The following MARCHF3 variants were observed in gnomAD, a reference collection of about 807,000 sequenced individuals.
The protein encoded by MARCHF3 is membrane associated ring-CH-type finger 3.
MARCHF3 carries 13 observed loss-of-function variants against 24.2 expected under a neutral mutation model. The ratio of observed to expected loss-of-function variants is 0.54; its 90% CI spans 0.35 to 0.85. MARCHF3 has a LOEUF of 0.85. Ranked by LOEUF, MARCHF3 falls within the 40% of genes least tolerant of loss-of-function variation. The pLI is 0.01. For missense variants in MARCHF3, 276 were observed against 325.0 expected (o/e 0.85, Z 1.16); for synonymous variants, 144 against 137.3 (o/e 1.05, Z -0.34).
chr5:126,919,909 C>G (rs1194010262), intron 1 of MARCHF3, among the ~76,000 whole-genome samples: 1 of 152,176 alleles, frequency 6.6e-6, no homozygotes, highest in Non-Finnish European at 1.5e-5. Context: ...TGTCTGAGAC[C>G]TGATGTGGGG....
intron 1 of MARCHF3, among the ~76,000 whole-genome samples, chr5:126,989,655 T>C (rs1751684584): frequency 1.3e-5 from 2 of 152,300 alleles, no homozygotes; most frequent in South Asian, 4.1e-4. Context: ...TGTTCAGCAC[T>C]ACTGTGATCT....
intron 1 of MARCHF3, among the ~76,000 whole-genome samples, chr5:126,918,963 A>T (rs1473161522): frequency 6.6e-6 from 1 of 152,236 alleles, no homozygotes; most frequent in Non-Finnish European, 1.5e-5. Context: ...CGTTAGCATG[A>T]TGTCTTGTTT....
At chr5:126,933,920 G>A (rs963710344) in intron 1 of MARCHF3, among the ~76,000 whole-genome samples, 1 of 152,152 alleles carries the variant, frequency 6.6e-6, no homozygotes, top group African/African-American at 2.4e-5. Flanking sequence ...AAAGATACTT[G>A]TGTATCTACA....
At chr5:126,996,905 G>C (rs930638924) in intron 1 of MARCHF3, among the ~76,000 whole-genome samples, 1 of 152,036 alleles carries the variant, frequency 6.6e-6, no homozygotes, top group Non-Finnish European at 1.5e-5. Flanking sequence ...ATTTATGTTC[G>C]CATATATATA....
chr5:126,918,026 C>G lies in MARCHF3; in HGVS notation c.146G>C (p.Gly49Ala), dbSNP rs772034419. 1 of 1,614,144 alleles carries G rather than the reference C, an allele frequency of 6.2e-7. No homozygotes were observed. Among genetic ancestry groups the G allele is most frequent in the South Asian group, 1.1e-5 (1 of 91,078 alleles). The change falls in exon 2 of 5, where the codon GGG becomes GCG. Residue 49 changes from glycine (G) to alanine (A), a missense_variant. Physicochemically the swap from Gly to Ala is moderately conservative, Grantham distance 60. Coordinates refer to ENST00000308660, the MANE Select transcript of MARCHF3 (RefSeq NM_178450.5). Reference sequence around the variant, plus strand: ...CCGCACTACTGTTGACAGCAGCTGCCCGTCCTTGGCTGAAACTTGCATGAC... The same window carrying G: ...CCGCACTACTGTTGACAGCAGCTGCGCGTCCTTGGCTGAAACTTGCATGAC... ...QYVMQVSAKDGQLLSTVVRTL... is the reference protein window; with the variant it reads ...QYVMQVSAKDAQLLSTVVRTL...
intron 3 of MARCHF3, among the ~76,000 whole-genome samples, chr5:126,897,834 G>GAA (rs1274931547): frequency 1.3e-5 from 2 of 151,570 alleles, no homozygotes; most frequent in South Asian, 2.1e-4. Context: ...GGATGTTGAG[G>GAA]AAAAAAAATC....
intron 1 of MARCHF3, among the ~76,000 whole-genome samples, chr5:126,955,133 ACCATATTCATTCATTC>A (rs1750396749): frequency 1.3e-5 from 2 of 152,192 alleles, no homozygotes; most frequent in African/African-American, 2.4e-5. Context: ...TGTGGGTTCC[ACCATATTCATTCATTC>A]AACAAATATT....
chr5:126,943,967 C>T (rs918107694), intron 1 of MARCHF3, among the ~76,000 whole-genome samples: 18 of 152,172 alleles, frequency 1.2e-4, no homozygotes, highest in East Asian at 5.8e-4. Flanking sequence ...GCCGCCATCA[C>T]GCCCAGCTAA....
Position 126,996,418 on chromosome 5 carries a change from T to G in MARCHF3, c.-57+33932A>C, listed in dbSNP as rs137982250. Reference sequence around the variant, plus strand: ...GTGAGTCACTTGTACTTGCTATAGCTTCACATATTTAGTCTCCCACTTTGT... The same window carrying G: ...GTGAGTCACTTGTACTTGCTATAGCGTCACATATTTAGTCTCCCACTTTGT... On this transcript the variant is annotated intron_variant, in intron 1 of 4. Coordinates refer to ENST00000308660, the MANE Select transcript of MARCHF3 (RefSeq NM_178450.5). Among the ~76,000 whole-genome samples the G allele has an allele frequency of 3.0e-3, 451 of 152,248 alleles. 2 individuals carry two copies. Among genetic ancestry groups the G allele is most frequent in the African/African-American group, 0.01 (431 of 41,556 alleles).
intron 1 of MARCHF3, among the ~76,000 whole-genome samples, chr5:127,019,831 T>C (rs1212103727): frequency 6.6e-6 from 1 of 152,218 alleles, no homozygotes; most frequent in African/African-American, 2.4e-5. Context: ...AGATATACTA[T>C]CAAGTGTACC....
chr5:126,978,750 T>C (rs1350938096), intron 1 of MARCHF3, among the ~76,000 whole-genome samples: 1 of 152,240 alleles, frequency 6.6e-6, no homozygotes, highest in Non-Finnish European at 1.5e-5. Context: ...CTCTCTCTTC[T>C]GTAACTGAGC....
At chr5:126,874,594 A>T (rs936433082) in intron 4 of MARCHF3, among the ~76,000 whole-genome samples, 2 of 152,074 alleles carry the variant, frequency 1.3e-5, no homozygotes, top group Non-Finnish European at 2.9e-5. Context: ...CTCAAAAAAA[A>T]AAAAAAAAAA....
rs546993206 is a variant in MARCHF3, at chr5:126,940,596, CG to C, written c.-56-22370del. Among the ~76,000 whole-genome samples the C allele has an allele frequency of 1.2e-3, 176 of 151,916 alleles. No individual in the cohort carries two copies. The Middle Eastern group carries it at 0.014, about 12-fold the overall frequency. On this transcript the variant is annotated intron_variant, in intron 1 of 4. Transcript: ENST00000308660. ...CCAAGTTGCTGGGATTACAGGCACC[CG>C]CCACCACACCCAGCTAATTTTTGTA...
At chr5:126,981,592 G>A (rs1448044015) in intron 1 of MARCHF3, among the ~76,000 whole-genome samples, 5 of 152,214 alleles carry the variant, frequency 3.3e-5, no homozygotes, top group Non-Finnish European at 7.3e-5. Flanking sequence ...AAGGCTTTGG[G>A]AAATACTAAA....
At chr5:126,942,588 A>G (rs1232894746) in intron 1 of MARCHF3, among the ~76,000 whole-genome samples, 1 of 152,244 alleles carries the variant, frequency 6.6e-6, no homozygotes, top group Non-Finnish European at 1.5e-5. Context: ...CACCAGACAC[A>G]ATAAGATAAC....
At chr5:126,907,914 C>A (rs1343435265) in intron 3 of MARCHF3, among the ~76,000 whole-genome samples, 2 of 152,068 alleles carry the variant, frequency 1.3e-5, no homozygotes, top group South Asian at 4.2e-4. Context: ...TCTTCCTAGT[C>A]TCGATGGTCT....
At chr5:126,926,844 A>C (rs1273679607) in intron 1 of MARCHF3, among the ~76,000 whole-genome samples, 1 of 151,774 alleles carries the variant, frequency 6.6e-6, no homozygotes, top group East Asian at 1.9e-4. Context: ...GAAGTAGTTA[A>C]GTCTGTAGAG....
intron 1 of MARCHF3, among the ~76,000 whole-genome samples, chr5:126,942,475 T>C (rs1692311440): frequency 6.6e-6 from 1 of 152,210 alleles, no homozygotes; most frequent in African/African-American, 2.4e-5. Context: ...ACCACTCTTC[T>C]AGTTTGAAAA....
intron 3 of MARCHF3, 87 bp downstream of exon 3, chr5:126,914,843 G>T: frequency 7.7e-7 from 1 of 1,298,082 alleles, no homozygotes; most frequent in Non-Finnish European, 1.1e-6. Flanking sequence ...CTTCAGTAAA[G>T]CTGTACAGGG....
Sources: gnomAD v4.1 joint callset for allele counts (sites outside exome capture counted in the v4.1 genomes callset) on GRCh38, gnomAD v4.1.1 for gene constraint, MANE v1.5 for transcripts, NCBI Gene and HGNC (gene_info 2026-07-23, HGNC 2026-07-21) for gene names.